The following GOLGA4 variants were observed in gnomAD, a reference collection of about 807,000 sequenced individuals.
GOLGA4 encodes the protein golgin subfamily A member 4.
A neutral mutation model predicts 265.9 loss-of-function variants in GOLGA4; 169 were observed. The ratio of observed to expected loss-of-function variants is 0.64; its 90% confidence interval spans 0.56 to 0.72. The LOEUF is 0.72. Ranked by LOEUF, GOLGA4 falls within the 30% of genes least tolerant of loss-of-function variation. The probability of loss-of-function intolerance (pLI) is 0.00; values close to 1 mark genes in which losing one functional copy is unlikely to be tolerated. For synonymous variants in GOLGA4, 923 were observed against 855.8 expected (o/e 1.08, Z -1.37); for missense variants, 2,482 against 2,483.4 (o/e 1.00, Z 0.01).
intron 2 of GOLGA4, among the ~76,000 whole-genome samples, chr3:37,273,046 C>T (rs1231126474): frequency 6.6e-6 from 1 of 152,154 alleles, no homozygotes; most frequent in Non-Finnish European, 1.5e-5. Flanking sequence ...ATTATCATTT[C>T]ATTTAGATTG....
intron 8 of GOLGA4, 44 bp downstream of exon 8, chr3:37,299,064 T>A: frequency 6.9e-7 from 1 of 1,459,848 alleles, no homozygotes; most frequent in Non-Finnish European, 9.3e-7. Context: ...TCTATAAAGT[T>A]AGATCCACAG....
At chr3:37,316,918 A>C (rs1052134386) in intron 11 of GOLGA4, among the ~76,000 whole-genome samples, 3 of 151,672 alleles carry the variant, frequency 2.0e-5, no homozygotes, top group Non-Finnish European at 2.9e-5. Context: ...TTAAAAATTC[A>C]GTTTTTTCTT....
At chr3:37,337,552 G>T in intron 18 of GOLGA4, 114 bp from the exon 19 acceptor site, 2 of 703,080 alleles carry the variant, frequency 2.8e-6, no homozygotes, top group Non-Finnish European at 2.6e-6. Flanking sequence ...GGGGTATTCA[G>T]TGTTATAAGT....
chr3:37,264,795 A>AG (rs1407857647), intron 2 of GOLGA4, among the ~76,000 whole-genome samples: 2 of 152,166 alleles, frequency 1.3e-5, no homozygotes, highest in Non-Finnish European at 1.5e-5. Context: ...TGCTGGGCTT[A>AG]GGCGAGCCTC....
intron 2 of GOLGA4, among the ~76,000 whole-genome samples, chr3:37,274,696 GAA>G (rs146170756): frequency 6.1e-5 from 9 of 147,156 alleles, no homozygotes; most frequent in East Asian, 2.0e-4. Context: ...CTGTCTCAAG[GAA>G]AAAAAAAAAA....
At chr3:37,248,337 G>A (rs777880058) in intron 1 of GOLGA4, among the ~76,000 whole-genome samples, 18 of 152,148 alleles carry the variant, frequency 1.2e-4, no homozygotes, top group Non-Finnish European at 1.9e-4. Flanking sequence ...TAGGCAGTGG[G>A]CAATAAAATA....
chr3:37,336,999 A>C (rs2097015783), intron 17 of GOLGA4, 144 bp from the exon 18 acceptor site: 1 of 624,274 alleles, frequency 1.6e-6, no homozygotes, highest in Admixed American at 3.1e-5. Flanking sequence ...CACATATTTA[A>C]AGTTGCCTTA....
At chr3:37,260,731 CT>C (rs1275448144) in intron 2 of GOLGA4, among the ~76,000 whole-genome samples, 2 of 152,014 alleles carry the variant, frequency 1.3e-5, no homozygotes, top group Admixed American at 6.6e-5. Flanking sequence ...AGGCACTAAA[CT>C]TTTTAGGCCC....
chr3:37,251,595 G>T (rs1468752894), intron 2 of GOLGA4, 111 bp downstream of exon 2: 1 of 627,980 alleles, frequency 1.6e-6, no homozygotes, highest in Non-Finnish European at 2.8e-6. Flanking sequence ...TTAATTCCTA[G>T]GTAGAGTTTT....
intron 21 of GOLGA4, among the ~76,000 whole-genome samples, chr3:37,353,086 A>C (rs1049134509): frequency 6.6e-6 from 1 of 152,096 alleles, no homozygotes; most frequent in Non-Finnish European, 1.5e-5. Flanking sequence ...GGGGCTCAGC[A>C]GAACACAAGC....
chr3:37,351,022 TC>T (rs1008430627), intron 21 of GOLGA4, among the ~76,000 whole-genome samples: 3 of 152,098 alleles, frequency 2.0e-5, no homozygotes, highest in African/African-American at 7.2e-5. Context: ...AGTTGACACT[TC>T]CTTTCATGAG....
chr3:37,324,701 C>A lies in GOLGA4; in HGVS notation c.2815C>A (p.His939Asn). ...QKLSAKEDSI[H>N]ILNEEYETKF... is the part of the protein sequence containing the mutation. ...ATTGTCAGCCAAGGAGGACAGTATT[C>A]ATATTTTGAATGAGGAATATGAAAC... The change falls in exon 14 of 24, where the codon CAT becomes AAT. Residue 939 changes from histidine (H) to asparagine (N), a missense_variant. By Grantham distance (68) the His-to-Asn change is moderately conservative. Coordinates refer to ENST00000361924, the MANE Select transcript of GOLGA4 (RefSeq NM_002078.5). 2 of 1,602,966 alleles carry A rather than the reference C, an allele frequency of 1.2e-6. No individual in the cohort carries two copies. Among genetic ancestry groups the A allele is most frequent in the South Asian group, 2.3e-5 (2 of 87,968 alleles).
At chr3:37,253,173 C>G in intron 2 of GOLGA4, among the ~76,000 whole-genome samples, 1 of 151,700 alleles carries the variant, frequency 6.6e-6, no homozygotes, top group Middle Eastern at 3.2e-3. Flanking sequence ...AGGGGCATTA[C>G]TTGAGCCTCG....
At chr3:37,335,684 A>G (rs547626971) in intron 17 of GOLGA4, among the ~76,000 whole-genome samples, 1 of 152,246 alleles carries the variant, frequency 6.6e-6, no homozygotes, top group South Asian at 2.1e-4. Context: ...ACCAGATGCA[A>G]ATACAATGCA....
intron 7 of GOLGA4, among the ~76,000 whole-genome samples, chr3:37,298,483 A>T (rs2096884353): frequency 6.6e-6 from 1 of 152,196 alleles, no homozygotes. Context: ...TATTAGGAGC[A>T]GTTTAGTGGT....
rs528228836 is a variant in GOLGA4, at chr3:37,305,139, G to A, written c.1234+2807G>A. On this transcript the variant is annotated intron_variant, in intron 10 of 23. Coordinates refer to ENST00000361924, the MANE Select transcript of GOLGA4 (RefSeq NM_002078.5). ...TCACTGTGTTGGCCAGGCTGGTCTC[G>A]AACTCCCAACCTCAGGTAATCCACC... 3.3e-5 allele frequency among the ~76,000 whole-genome samples: 5 copies of A among 152,030 alleles called. No homozygotes were observed. In the South Asian group the frequency reaches 1.0e-3, roughly 32 times the overall value.
intron 5 of GOLGA4, among the ~76,000 whole-genome samples, chr3:37,290,414 AT>A (rs1487980454): frequency 6.6e-6 from 1 of 152,164 alleles, no homozygotes. Flanking sequence ...GTCTCTCGCA[AT>A]TTTTTTATAT....
At chr3:37,306,501 CTGTGTGTGTGTGTGTGTGTG>C (rs35641880) in intron 10 of GOLGA4, among the ~76,000 whole-genome samples, 92 of 140,218 alleles carry the variant, frequency 6.6e-4, no homozygotes, top group African/African-American at 2.1e-3. Flanking sequence ...TGGCTGTTCT[CTGTGTGTGTGTGTGTGTGTG>C]TGTGTGTGTG....
intron 6 of GOLGA4, among the ~76,000 whole-genome samples, chr3:37,295,712 C>G (rs2096876439): frequency 6.6e-6 from 1 of 152,182 alleles, no homozygotes; most frequent in Admixed American, 6.5e-5. Context: ...AAGCCATCCA[C>G]ATTGATGTGT....
Sources: allele counts gnomAD v4.1 joint callset (sites outside exome capture counted in the v4.1 genomes callset), GRCh38; gene constraint gnomAD v4.1.1; transcripts MANE v1.5; gene names NCBI Gene and HGNC (gene_info 2026-07-23, HGNC 2026-07-21).